NINJ2: variants seen among roughly 807,000 people sequenced by gnomAD.
NINJ2 encodes ninjurin 2.
NINJ2 carries 12 observed loss-of-function variants against 11.7 expected under a neutral mutation model. The ratio of observed to expected loss-of-function variants is 1.02; its 90% CI spans 0.66 to 1.66. The LOEUF (loss-of-function observed/expected upper bound fraction) is 1.66, where lower values mean the gene tolerates loss of function less well. NINJ2 is among the 40% of genes most tolerant of loss of function. The pLI is 0.00. For missense variants in NINJ2, 187 were observed against 181.8 expected (o/e 1.03, Z -0.16); for synonymous variants, 93 against 76.8 (o/e 1.21, Z -1.10).
At chr12:663,301 C>T in intron 1 of NINJ2, 27 bp downstream of exon 1, 1 of 1,609,184 alleles carries the variant, frequency 6.2e-7, no homozygotes, top group Non-Finnish European at 8.5e-7. Context: ...CCGGTCTCCC[C>T]TCTGCTCTCT....
rs187408087 is a variant in NINJ2, at chr12:580,819, C to T, written c.34-14641G>A. Among the ~76,000 whole-genome samples the T allele has an allele frequency of 6.1e-4, 92 of 150,312 alleles. 1 individual carries two copies. The highest frequency in any genetic ancestry group is 1.4e-3 in the East Asian group (7 of 5,094). On this transcript the variant is annotated intron_variant, in intron 1 of 3. Transcript: ENST00000305108. The surrounding 1 kb of genome is among the most constrained non-coding windows in gnomAD (Gnocchi z 4.7). ...CTGTGTGTGTGTGTCTGTGTGTATG[C>T]GTGTGTGTCTGTGTGTATGCATGTG...
chr12:593,168 T>C (rs769213302), intron 1 of NINJ2, among the ~76,000 whole-genome samples: 3 of 152,170 alleles, frequency 2.0e-5, no homozygotes, highest in Non-Finnish European at 2.9e-5. Context: ...ATTTATTAGG[T>C]TCACTGCAAT....
At position 585,468 on chromosome 12, in the gene NINJ2, G is replaced by A. The variant is rs1439901828; in HGVS notation, c.34-19290C>T. Among the ~76,000 whole-genome samples the A allele has an allele frequency of 1.3e-5, 2 of 150,538 alleles. No individual in the cohort carries two copies. Among genetic ancestry groups the A allele is most frequent in the African/African-American group, 4.9e-5 (2 of 40,624 alleles). On this transcript the variant is annotated intron_variant, in intron 1 of 3. Transcript: ENST00000305108. The surrounding 1 kb of genome is among the most constrained non-coding windows in gnomAD (Gnocchi z 4.1). ...GTCCTATCCTCATCAGGCAGGCAAC[G>A]GTTGGAGGAAGGGAACGGTTGGAGG...
chr12:604,842 G>A (rs778750124), intron 1 of NINJ2, among the ~76,000 whole-genome samples: 5 of 152,150 alleles, frequency 3.3e-5, no homozygotes, highest in Admixed American at 1.3e-4. Flanking sequence ...ACCCCTCAAA[G>A]CCTGTTGACA....
At chr12:615,917 G>A (rs1322853148) in intron 1 of NINJ2, among the ~76,000 whole-genome samples, 1 of 152,128 alleles carries the variant, frequency 6.6e-6, no homozygotes, top group Non-Finnish European at 1.5e-5. Flanking sequence ...GAGAGGAAAG[G>A]GCTGAAAGGA....
rs142172116 is a variant in NINJ2 at position 578,925 on chromosome 12, G to T, written c.34-12747C>A. On this transcript the variant is annotated intron_variant, in intron 1 of 3. Transcript: ENST00000305108. ...GCTTTTATTCCCAGATCCTTTTCAT[G>T]TCCTCACTCAGAAGCACTGAGAGCC... Among the ~76,000 whole-genome samples the T allele has an allele frequency of 4.7e-3, 718 of 152,304 alleles. 11 individuals are homozygous for T. The highest frequency in any genetic ancestry group is 0.016 in the African/African-American group (670 of 41,556).
Position 663,366 on chromosome 12 carries a change from T to C in NINJ2, c.-6A>G, listed in dbSNP as rs1319464828. On this transcript the variant is annotated 5_prime_UTR_variant, in exon 1 of 4. Transcript: ENST00000305108. ...TTTTCTCTTGCTGATTCCATCTCGC[T>C]GCCCTCAAGTCCCTTCACACGCACC... 5 of 1,614,114 alleles carry C rather than the reference T, an allele frequency of 3.1e-6. No individual in the cohort carries two copies. In the South Asian group the frequency reaches 3.3e-5, roughly 11 times the overall value.
chr12:619,437 C>T lies in NINJ2; in HGVS notation c.33+43891G>A, dbSNP rs73596291. 9.9e-3 allele frequency among the ~76,000 whole-genome samples: 1,514 copies of T among 152,262 alleles called. 29 individuals are homozygous for T. The highest frequency in any genetic ancestry group is 0.035 in the African/African-American group (1,446 of 41,548). The stretch of plus-strand genomic sequence containing the variant: ...GGAGTGGGGCGATCTTTACACAGCC[C>T]CACACCCTGCAGTCAGTGTGTGAAC... On this transcript the variant is annotated intron_variant, in intron 1 of 3. Coordinates refer to ENST00000305108, the MANE Select transcript of NINJ2 (RefSeq NM_016533.6).
chr12:588,533 C>T (rs1236420492), intron 1 of NINJ2, among the ~76,000 whole-genome samples: 1 of 152,136 alleles, frequency 6.6e-6, no homozygotes, highest in Non-Finnish European at 1.5e-5. Context: ...AAGTACTGTC[C>T]TTATCTAAGG....
chr12:612,211 T>C (rs1048787995), intron 1 of NINJ2, among the ~76,000 whole-genome samples: 1 of 152,210 alleles, frequency 6.6e-6, no homozygotes, highest in East Asian at 1.9e-4. Context: ...GCACGCAGAC[T>C]ATTACACACA....
At chr12:568,133 C>T (rs1053163526) in intron 1 of NINJ2, among the ~76,000 whole-genome samples, 7 of 152,186 alleles carry the variant, frequency 4.6e-5, no homozygotes, top group African/African-American at 1.4e-4. Flanking sequence ...CCATTATCAA[C>T]TATACATATT....
chr12:642,892 C>G (rs1460487195), intron 1 of NINJ2: 2 of 150,618 alleles, frequency 1.3e-5, no homozygotes, highest in African/African-American at 4.9e-5. Flanking sequence ...CGTCAGCTGA[C>G]CTGGCTTCCG....
intron 1 of NINJ2, among the ~76,000 whole-genome samples, chr12:618,382 G>C (rs1223283837): frequency 6.8e-6 from 1 of 147,374 alleles, no homozygotes; most frequent in African/African-American, 2.5e-5. Flanking sequence ...GGGGGTGAGG[G>C]GGGAGTGTTG....
Position 577,437 on chromosome 12 carries a change from A to ATGTATATATATATATACATATATATATG in NINJ2, c.34-11260_34-11259insCATATATATATGTATATATATATATACA, listed in dbSNP as rs1172123837. Among the ~76,000 whole-genome samples the ATGTATATATATATATACATATATATATG allele has an allele frequency of 2.5e-4, 35 of 138,600 alleles. 1 individual carries two copies. Among genetic ancestry groups the ATGTATATATATATATACATATATATATG allele is most frequent in the South Asian group, 4.4e-4 (2 of 4,502 alleles). 90.9% of individuals were successfully genotyped at this position (138,600 alleles called of 152,430 possible). A position where few individuals can be genotyped will look rare whatever the true frequency, so the allele number is the denominator to read the frequency against. On this transcript the variant is annotated intron_variant, in intron 1 of 3. Coordinates refer to ENST00000305108, the MANE Select transcript of NINJ2 (RefSeq NM_016533.6). ...GTCTCATATATATATATACATATATATATATAAATATTTTGGCACGATCTT... is the reference window on the plus strand; with the variant it reads ...GTCTCATATATATATATACATATATATGTATATATATATATACATATATATATGTATATAAATATTTTGGCACGATCTT...
At chr12:600,858 T>C (rs1489545315) in intron 1 of NINJ2, among the ~76,000 whole-genome samples, 1 of 152,188 alleles carries the variant, frequency 6.6e-6, no homozygotes, top group Admixed American at 6.5e-5. Context: ...AGAATTGTTG[T>C]AAGTTTCTTT....
At chr12:620,207 A>T (rs1434927497) in intron 1 of NINJ2, among the ~76,000 whole-genome samples, 1 of 152,270 alleles carries the variant, frequency 6.6e-6, no homozygotes, top group Non-Finnish European at 1.5e-5. Context: ...CGTGGGCATC[A>T]TGCCATGGGC....
At chr12:657,543 C>T (rs929456392) in intron 1 of NINJ2, among the ~76,000 whole-genome samples, 1 of 152,076 alleles carries the variant, frequency 6.6e-6, no homozygotes, top group East Asian at 1.9e-4. Context: ...GAGCTGAGAT[C>T]GGGCCACTGC....
At chr12:589,505 A>G (rs1947689622) in intron 1 of NINJ2, 1 of 152,192 alleles carries the variant, frequency 6.6e-6, no homozygotes. Flanking sequence ...TATTTTCCCA[A>G]TTGTAGGTTG....
chr12:604,909 C>T (rs1322810824), intron 1 of NINJ2, among the ~76,000 whole-genome samples: 1 of 152,204 alleles, frequency 6.6e-6, no homozygotes, highest in African/African-American at 2.4e-5. Context: ...AGTGCTCTTG[C>T]GGTGTGGTCC....
Sources: allele counts gnomAD v4.1 joint callset (sites outside exome capture counted in the v4.1 genomes callset), GRCh38; gene constraint gnomAD v4.1.1; non-coding constraint Gnocchi (gnomAD v3.1); transcripts MANE v1.5; gene names NCBI Gene and HGNC (gene_info 2026-07-23, HGNC 2026-07-21).